Variants in PROS1 observed in about 807,000 individuals in gnomAD.
The protein encoded by PROS1 is vitamin K-dependent protein S.
A neutral mutation model predicts 75.9 loss-of-function variants in PROS1; 29 were observed. The ratio of observed to expected loss-of-function variants is 0.38; its 90% CI spans 0.28 to 0.52. The LOEUF is 0.52. Among genes scored for constraint, PROS1 ranks in the 20% least tolerant of loss-of-function variants. The pLI, the probability that PROS1 is intolerant of heterozygous loss-of-function variation, is 0.83. For synonymous variants in PROS1, 245 were observed against 280.6 expected (o/e 0.87, Z 1.27); for missense variants, 680 against 810.3 (o/e 0.84, Z 1.95).
At chr3:93,925,689 G>T (rs2107199671) in intron 2 of PROS1, among the ~76,000 whole-genome samples, 1 of 151,554 alleles carries the variant, frequency 6.6e-6, no homozygotes, top group South Asian at 2.1e-4. Flanking sequence ...CCAGGTGTGG[G>T]GCTGCACACC....
In PROS1 at chr3:93,938,583, C is replaced by T. The variant is rs767537283; in HGVS notation, c.77-11176G>A. Among the ~76,000 whole-genome samples the T allele has an allele frequency of 1.1e-4, 16 of 152,274 alleles. No individual in the cohort carries two copies. In the East Asian group the frequency reaches 1.2e-3, roughly 11 times the overall value. On this transcript the variant is annotated intron_variant, in intron 1 of 14. Transcript: ENST00000394236. ...AAGGAACATCTCACCAATTTCAAAT[C>T]GGTTAAGCGGTCTTTTCACTCTCTT...
intron 11 of PROS1, among the ~76,000 whole-genome samples, chr3:93,885,749 C>T (rs1423801112): frequency 2.6e-5 from 4 of 152,124 alleles, no homozygotes; most frequent in Non-Finnish European, 5.9e-5. Context: ...ATACTCATGT[C>T]AACATGGGTT....
intron 1 of PROS1, among the ~76,000 whole-genome samples, chr3:93,969,894 G>T (rs370715435): frequency 1.3e-5 from 2 of 152,104 alleles, no homozygotes; most frequent in East Asian, 1.9e-4. Context: ...GATCGCTCAA[G>T]CTGCAAAAAT....
chr3:93,954,440 A>T (rs1274910333), intron 1 of PROS1, among the ~76,000 whole-genome samples: 1 of 152,208 alleles, frequency 6.6e-6, no homozygotes. Flanking sequence ...CAACCACCTG[A>T]TCTTTGACAA....
At chr3:93,913,800 C>T (rs1463846156) in intron 3 of PROS1, among the ~76,000 whole-genome samples, 1 of 152,164 alleles carries the variant, frequency 6.6e-6, no homozygotes, top group East Asian at 1.9e-4. Flanking sequence ...TCATCTAAAT[C>T]AGATATGGGT....
intron 1 of PROS1, among the ~76,000 whole-genome samples, chr3:93,963,293 G>T (rs774276280): frequency 1.3e-5 from 2 of 152,070 alleles, no homozygotes; most frequent in South Asian, 4.1e-4. Flanking sequence ...CATCATAAGC[G>T]GGATGCTGTC....
intron 1 of PROS1, among the ~76,000 whole-genome samples, chr3:93,972,609 C>A (rs1200757600): frequency 6.6e-6 from 1 of 150,854 alleles, no homozygotes; most frequent in South Asian, 2.1e-4. Flanking sequence ...GAGGCCAAGG[C>A]GGATGGATCA....
At chr3:93,964,990 G>A (rs1709765469) in intron 1 of PROS1, among the ~76,000 whole-genome samples, 2 of 152,154 alleles carry the variant, frequency 1.3e-5, no homozygotes, top group Non-Finnish European at 1.5e-5. Context: ...CAAGGGGCTT[G>A]CAACTTAGCT....
intron 10 of PROS1, among the ~76,000 whole-genome samples, chr3:93,890,699 C>A (rs189724370): frequency 2.0e-5 from 3 of 152,314 alleles, no homozygotes; most frequent in East Asian, 3.9e-4. Flanking sequence ...ATGCCTTGAA[C>A]TCAGGAACTT....
intron 6 of PROS1, among the ~76,000 whole-genome samples, chr3:93,902,991 G>A (rs1368094080): frequency 5.9e-5 from 9 of 151,464 alleles, no homozygotes; most frequent in South Asian, 2.1e-4. Context: ...CTCAGCCTCC[G>A]GAGTAGCTGG....
chr3:93,899,450 G>GT (rs1708552702), intron 7 of PROS1, among the ~76,000 whole-genome samples: 1 of 152,034 alleles, frequency 6.6e-6, no homozygotes, highest in South Asian at 2.1e-4. Context: ...TATTATTAAA[G>GT]TTATAGATAA....
intron 1 of PROS1, among the ~76,000 whole-genome samples, chr3:93,955,036 T>A (rs1043265778): frequency 6.6e-6 from 1 of 152,200 alleles, no homozygotes; most frequent in East Asian, 1.9e-4. Context: ...ATACCATCTC[T>A]CACCAGTTAG....
rs1159831410 is a variant in PROS1 at position 93,954,875 on chromosome 3, T to C, written c.76+18799A>G. ...AATCTACAAAGAACTTCAACAAATT[T>C]ACAAGAAAAAATCAAACAACCCCAT... On this transcript the variant is annotated intron_variant, in intron 1 of 14. Coordinates refer to ENST00000394236, the MANE Select transcript of PROS1 (RefSeq NM_000313.4). Among the ~76,000 whole-genome samples the C allele has an allele frequency of 2.0e-5, 3 of 152,024 alleles. No homozygotes were observed. In the East Asian group the frequency reaches 5.8e-4, roughly 29 times the overall value.
At chr3:93,878,527 C>T (rs1261636964) in intron 13 of PROS1, among the ~76,000 whole-genome samples, 2 of 152,216 alleles carry the variant, frequency 1.3e-5, no homozygotes, top group Admixed American at 1.3e-4. Flanking sequence ...GTGGATGACA[C>T]ATAGACAGAA....
At chr3:93,885,416 G>C (rs565059042) in intron 11 of PROS1, among the ~76,000 whole-genome samples, 5 of 151,996 alleles carry the variant, frequency 3.3e-5, no homozygotes, top group Non-Finnish European at 5.9e-5. Flanking sequence ...AGTAGAGATG[G>C]GGTTTTGCTA....
chr3:93,960,378 G>A (rs1176721170), intron 1 of PROS1, among the ~76,000 whole-genome samples: 3 of 151,600 alleles, frequency 2.0e-5, no homozygotes, highest in Non-Finnish European at 4.4e-5. Flanking sequence ...GAGTTTCACT[G>A]TGTTAGCTAG....
chr3:93,875,035 C>T (rs955188094), intron 14 of PROS1, among the ~76,000 whole-genome samples: 8 of 152,056 alleles, frequency 5.3e-5, no homozygotes, highest in Admixed American at 1.3e-4. Context: ...AGCCCTTATT[C>T]TTCATCTTCA....
chr3:93,940,218 C>G lies in PROS1; in HGVS notation c.77-12811G>C, dbSNP rs1394651004. Reference sequence around the variant, plus strand: ...AGTCACTCCCAGAGCCCCTGGAACTCTGGCCCAAGGCTCTCGGATTGACGC... The same window carrying G: ...AGTCACTCCCAGAGCCCCTGGAACTGTGGCCCAAGGCTCTCGGATTGACGC... On this transcript the variant is annotated intron_variant, in intron 1 of 14. Transcript: ENST00000394236. Among the ~76,000 whole-genome samples the G allele has an allele frequency of 5.9e-5, 9 of 152,318 alleles. No individual in the cohort carries two copies. The East Asian group carries it at 9.7e-4, about 16-fold the overall frequency.
At chr3:93,918,062 C>T (rs911098080) in intron 3 of PROS1, among the ~76,000 whole-genome samples, 2 of 152,160 alleles carry the variant, frequency 1.3e-5, no homozygotes, top group Non-Finnish European at 2.9e-5. Context: ...TCTGGTGGGG[C>T]CTTGGAGAAC....
Sources: gnomAD v4.1 joint callset for allele counts (sites outside exome capture counted in the v4.1 genomes callset) on GRCh38, gnomAD v4.1.1 for gene constraint, MANE v1.5 for transcripts, NCBI Gene and HGNC (gene_info 2026-07-23, HGNC 2026-07-21) for gene names.